The following STXBP4 variants were observed in gnomAD, a reference collection of about 807,000 sequenced individuals.
The protein encoded by STXBP4 is syntaxin binding protein 4.
STXBP4 carries 55 observed loss-of-function variants against 76.1 expected under a neutral mutation model. That is an observed-to-expected ratio of 0.72 (90% confidence interval 0.58 to 0.91). STXBP4 has a LOEUF of 0.91. STXBP4 is among the 40% of genes least tolerant of loss of function. The pLI, the probability that STXBP4 is intolerant of heterozygous loss-of-function variation, is 0.00. For missense variants in STXBP4, 618 were observed against 636.9 expected, an observed-to-expected ratio of 0.97 and a Z score of 0.32; for synonymous variants, 201 against 220.2, an observed-to-expected ratio of 0.91 and a Z score of 0.77.
rs754548223 is a variant in STXBP4, at chr17:55,073,158, G to T, written c.1188+82G>T. The T allele has an allele frequency of 7.8e-5, 102 of 1,309,320 alleles. 1 individual carries two copies. Among genetic ancestry groups the T allele is most frequent in the South Asian group, 2.5e-4 (20 of 80,846 alleles). The allele number at this position is 1,309,320 out of a possible 1,614,324, so 81.1% of individuals were successfully genotyped here. A position where few individuals can be genotyped will look rare whatever the true frequency, so the allele number is the denominator to read the frequency against. On this transcript the variant is annotated intron_variant, in intron 13 of 17. Coordinates refer to ENST00000376352, the MANE Select transcript of STXBP4 (RefSeq NM_178509.6). Reference sequence around the variant, plus strand: ...TCCTGTTTTCATTTTCTTTTCATCTGCACTTCTAAACTAGGTCAGTGTTTG... The same window carrying T: ...TCCTGTTTTCATTTTCTTTTCATCTTCACTTCTAAACTAGGTCAGTGTTTG...
chr17:55,098,610 G>C (rs1259158054), intron 16 of STXBP4, among the ~76,000 whole-genome samples: 1 of 152,196 alleles, frequency 6.6e-6, no homozygotes, highest in Non-Finnish European at 1.5e-5. Context: ...TGAGGCAGGA[G>C]TGTGCCTGAT....
At chr17:55,177,612 C>T (rs1385156612), downstream of STXBP4, among the ~76,000 whole-genome samples, 2 of 152,326 alleles carry the variant, frequency 1.3e-5, no homozygotes, top group East Asian at 3.9e-4. Context: ...TTGTTCATTC[C>T]ATCACTTTCG....
intron 16 of STXBP4, among the ~76,000 whole-genome samples, chr17:55,129,530 C>T (rs1033987288): frequency 6.6e-6 from 1 of 151,706 alleles, no homozygotes; most frequent in Non-Finnish European, 1.5e-5. Context: ...GAGTTTGAGT[C>T]CAGCCTGGGC....
intron 16 of STXBP4, among the ~76,000 whole-genome samples, chr17:55,129,761 T>C (rs1010280976): frequency 6.6e-6 from 1 of 152,168 alleles, no homozygotes; most frequent in African/African-American, 2.4e-5. Flanking sequence ...AATAGGAGCA[T>C]TGTGGTAGGC....
rs117795852 is a variant in STXBP4, at chr17:55,082,128, T to C, written c.1489+945T>C. 3.2e-3 allele frequency among the ~76,000 whole-genome samples: 483 copies of C among 152,344 alleles called. 12 individuals are homozygous for C. The highest frequency in any genetic ancestry group is 0.025 in the East Asian group (131 of 5,188). On this transcript the variant is annotated intron_variant, in intron 16 of 17. Coordinates refer to ENST00000376352, the MANE Select transcript of STXBP4 (RefSeq NM_178509.6). ...AGGGAGGTGATTTATAATAAAATTATATATATTTCAAAACATAAATGCTTT... is the reference window on the plus strand; with the variant it reads ...AGGGAGGTGATTTATAATAAAATTACATATATTTCAAAACATAAATGCTTT...
chr17:55,043,802 T>A, intron 11 of STXBP4: 1 of 626,844 alleles, frequency 1.6e-6, no homozygotes, highest in Non-Finnish European at 2.6e-6. Flanking sequence ...AAATATACTG[T>A]AACATTTTTC....
At chr17:55,149,999 TTAAAA>T (rs567586407) in intron 17 of STXBP4, among the ~76,000 whole-genome samples, 45 of 152,306 alleles carry the variant, frequency 3.0e-4, no homozygotes, top group African/African-American at 9.9e-4. Flanking sequence ...CATTGAGATA[TTAAAA>T]TAAATTATTT....
intron 8 of STXBP4, among the ~76,000 whole-genome samples, chr17:55,024,390 T>C (rs1446138640): frequency 6.6e-6 from 1 of 152,234 alleles, no homozygotes; most frequent in Non-Finnish European, 1.5e-5. Flanking sequence ...AGAATTGTAC[T>C]TTCCCATGTT....
intron 12 of STXBP4, 46 bp downstream of exon 12, chr17:55,047,200 G>C: frequency 9.6e-7 from 1 of 1,044,352 alleles, no homozygotes; most frequent in Non-Finnish European, 1.4e-6. Context: ...GTGTGTGTGT[G>C]TGTGTGTGTG....
At chr17:55,002,119 A>G (rs2077931156) in intron 7 of STXBP4, among the ~76,000 whole-genome samples, 1 of 152,192 alleles carries the variant, frequency 6.6e-6, no homozygotes, top group Non-Finnish European at 1.5e-5. Context: ...CAGTCTCTGC[A>G]TGTACTGTAT....
intron 2 of STXBP4, 79 bp downstream of exon 2, chr17:54,985,770 T>C (rs2077617358): frequency 6.5e-6 from 1 of 154,574 alleles, no homozygotes; most frequent in Non-Finnish European, 1.4e-5. Flanking sequence ...AGCCTTGTAC[T>C]CACAGGAGAC....
chr17:55,123,653 C>A (rs907214112), intron 16 of STXBP4, among the ~76,000 whole-genome samples: 6 of 152,142 alleles, frequency 3.9e-5, no homozygotes, highest in African/African-American at 1.4e-4. Flanking sequence ...GTAATCCCAG[C>A]ACTTTGGGAG....
chr17:54,988,269 A>G (rs879922484), intron 3 of STXBP4, among the ~76,000 whole-genome samples: 6 of 152,198 alleles, frequency 3.9e-5, no homozygotes, highest in Admixed American at 2.6e-4. Flanking sequence ...TGTGTTAATA[A>G]TACTTTGTTG....
intron 13 of STXBP4, among the ~76,000 whole-genome samples, chr17:55,074,137 TAAAG>T (rs1453077549): frequency 6.6e-6 from 1 of 152,126 alleles, no homozygotes; most frequent in African/African-American, 2.4e-5. Context: ...TAAGAGAACA[TAAAG>T]AAAATCTGAA....
chr17:55,154,149 T>C (rs1446913966), intron 17 of STXBP4, among the ~76,000 whole-genome samples: 1 of 152,156 alleles, frequency 6.6e-6, no homozygotes, highest in Non-Finnish European at 1.5e-5. Flanking sequence ...ATCTCATGTC[T>C]CTGCCCTCCC....
At chr17:55,198,085 G>A in the STXBP4 span, among the ~76,000 whole-genome samples, 1 of 152,228 alleles carries the variant, frequency 6.6e-6, no homozygotes, top group Non-Finnish European at 1.5e-5. Context: ...ACCCTCTAGA[G>A]GTTTCTCATT....
chr17:55,138,421 A>AAT, intron 16 of STXBP4, among the ~76,000 whole-genome samples: 1 of 152,240 alleles, frequency 6.6e-6, no homozygotes, highest in South Asian at 2.1e-4. Flanking sequence ...AGTTTTAGGT[A>AAT]ACAGCCACTA....
At chr17:55,105,775 G>A (rs2079627897) in intron 16 of STXBP4, among the ~76,000 whole-genome samples, 6 of 152,078 alleles carry the variant, frequency 3.9e-5, no homozygotes. Context: ...ACCGCACCTG[G>A]CCTCTTAATC....
chr17:55,139,922 T>A (rs1285085624), intron 16 of STXBP4, among the ~76,000 whole-genome samples: 5 of 152,172 alleles, frequency 3.3e-5, no homozygotes, highest in African/African-American at 1.2e-4. Flanking sequence ...TTGGTTTTCA[T>A]AATTACAAAA....
Sources: allele counts gnomAD v4.1 joint callset (sites outside exome capture counted in the v4.1 genomes callset), GRCh38; gene constraint gnomAD v4.1.1; transcripts MANE v1.5; gene names NCBI Gene and HGNC (gene_info 2026-07-23, HGNC 2026-07-21).